The following AGMO variants were observed in gnomAD, a reference collection of about 807,000 sequenced individuals.
The protein encoded by AGMO is alkylglycerol monooxygenase, also known as glyceryl-ether monooxygenase.
A neutral mutation model predicts 60.2 loss-of-function variants in AGMO; 75 were observed. That is an observed-to-expected ratio of 1.25 (90% CI 1.03 to 1.51). The LOEUF (loss-of-function observed/expected upper bound fraction) is 1.51. AGMO is among the 40% of genes most tolerant of loss of function. The probability of loss-of-function intolerance (pLI) is 0.00; values close to 1 mark genes in which losing one functional copy is unlikely to be tolerated. For synonymous variants in AGMO, 261 were observed against 177.1 expected, an observed-to-expected ratio of 1.47 and a Z score of -3.76; for missense variants, 763 against 525.5, an observed-to-expected ratio of 1.45 and a Z score of -4.42.
At chr7:15,465,198 C>T (rs1318537840) in intron 3 of AGMO, among the ~76,000 whole-genome samples, 1 of 151,872 alleles carries the variant, frequency 6.6e-6, no homozygotes, top group Non-Finnish European at 1.5e-5. Flanking sequence ...TATTGCGAGC[C>T]GAACTCACCA....
intron 12 of AGMO, among the ~76,000 whole-genome samples, chr7:15,247,604 A>C (rs1035157216): frequency 1.3e-5 from 2 of 152,152 alleles, no homozygotes; most frequent in Non-Finnish European, 2.9e-5. Flanking sequence ...ATTCACAGTG[A>C]AACAGTTCCA....
the AGMO span, among the ~76,000 whole-genome samples, chr7:15,119,078 C>T: frequency 3.3e-5 from 5 of 151,754 alleles, no homozygotes; most frequent in Middle Eastern, 3.4e-3. Flanking sequence ...ATTCCTCCCA[C>T]CTGCTCTGAG....
the AGMO span, among the ~76,000 whole-genome samples, chr7:15,153,796 C>T: frequency 6.6e-6 from 1 of 152,038 alleles, no homozygotes; most frequent in African/African-American, 2.4e-5. Context: ...ACTCTTTTTG[C>T]TTAGTCTTGC....
the AGMO span, among the ~76,000 whole-genome samples, chr7:15,147,391 A>G: frequency 6.6e-6 from 1 of 152,184 alleles, no homozygotes; most frequent in Non-Finnish European, 1.5e-5. Context: ...GCAAAGGGAC[A>G]TCTTACATGG....
At chr7:15,207,235 G>C (rs868714741) in intron 12 of AGMO, among the ~76,000 whole-genome samples, 3 of 152,184 alleles carry the variant, frequency 2.0e-5, no homozygotes, top group Non-Finnish European at 2.9e-5. Context: ...TACTGCACAT[G>C]TAAACCCATC....
At chr7:15,408,312 G>T (rs1430398552) in intron 5 of AGMO, among the ~76,000 whole-genome samples, 1 of 151,820 alleles carries the variant, frequency 6.6e-6, no homozygotes, top group Non-Finnish European at 1.5e-5. Context: ...CTCATGTTAG[G>T]AGCACCCTAA....
At chr7:15,146,515 ATT>A in the AGMO span, among the ~76,000 whole-genome samples, 3 of 145,080 alleles carry the variant, frequency 2.1e-5, no homozygotes, top group African/African-American at 2.5e-5. Context: ...GCAATCAGCT[ATT>A]TTTTTTTTTT....
At chr7:15,441,209 T>A (rs986966457) in intron 3 of AGMO, among the ~76,000 whole-genome samples, 1 of 152,202 alleles carries the variant, frequency 6.6e-6, no homozygotes, top group Non-Finnish European at 1.5e-5. Flanking sequence ...TTCTCAAACA[T>A]AAGGAAAACC....
intron 12 of AGMO, among the ~76,000 whole-genome samples, chr7:15,210,855 C>T (rs1049524747): frequency 3.3e-5 from 5 of 151,870 alleles, no homozygotes; most frequent in African/African-American, 1.2e-4. Flanking sequence ...AAAATAAGTA[C>T]TGAATAAAAG....
intron 10 of AGMO, among the ~76,000 whole-genome samples, chr7:15,385,112 T>A (rs971173022): frequency 2.0e-5 from 3 of 152,178 alleles, no homozygotes; most frequent in African/African-American, 7.2e-5. Context: ...TGATGAAAAG[T>A]GTAATTTCCC....
At chr7:15,429,178 T>C (rs1268131538) in intron 4 of AGMO, among the ~76,000 whole-genome samples, 1 of 152,074 alleles carries the variant, frequency 6.6e-6, no homozygotes, top group Non-Finnish European at 1.5e-5. Context: ...TGCTTAGAAG[T>C]GTTTCTTCAA....
chr7:15,246,438 T>C (rs1481128047), intron 12 of AGMO, among the ~76,000 whole-genome samples: 1 of 152,166 alleles, frequency 6.6e-6, no homozygotes, highest in East Asian at 1.9e-4. Flanking sequence ...TTTTAAAAAA[T>C]TGCCATTGGA....
chr7:15,213,038 C>T (rs1198792662), intron 12 of AGMO, among the ~76,000 whole-genome samples: 3 of 151,878 alleles, frequency 2.0e-5, no homozygotes, highest in East Asian at 1.9e-4. Flanking sequence ...AATGTATCAT[C>T]GAAGTTCTTC....
intron 10 of AGMO, among the ~76,000 whole-genome samples, chr7:15,368,369 C>A (rs570451536): frequency 4.0e-4 from 60 of 151,650 alleles, no homozygotes; most frequent in African/African-American, 1.3e-3. Context: ...GCATCTCTCA[C>A]TATATTGCTT....
chr7:15,228,883 T>C (rs1782167973), intron 12 of AGMO, among the ~76,000 whole-genome samples: 1 of 152,108 alleles, frequency 6.6e-6, no homozygotes, highest in African/African-American at 2.4e-5. Context: ...CTCCAAATGA[T>C]ATTTACGCAG....
chr7:15,213,280 G>A (rs1185005025), intron 12 of AGMO, among the ~76,000 whole-genome samples: 4 of 151,790 alleles, frequency 2.6e-5, no homozygotes, highest in South Asian at 4.1e-4. Context: ...TGAGCACCAC[G>A]AAATGTGGAC....
At chr7:15,266,082 A>C (rs1018754761) in intron 12 of AGMO, among the ~76,000 whole-genome samples, 1 of 152,126 alleles carries the variant, frequency 6.6e-6, no homozygotes, top group African/African-American at 2.4e-5. Context: ...TATAGTAGTC[A>C]AAATCATTGA....
intron 12 of AGMO, among the ~76,000 whole-genome samples, chr7:15,239,670 G>A (rs745922346): frequency 4.6e-5 from 7 of 152,052 alleles, no homozygotes; most frequent in African/African-American, 1.2e-4. Flanking sequence ...ATGTTAGTAA[G>A]CCAATGAGGA....
chr7:15,370,219 G>A (rs181535240), intron 10 of AGMO, among the ~76,000 whole-genome samples: 5 of 152,270 alleles, frequency 3.3e-5, no homozygotes, highest in Admixed American at 2.6e-4. Context: ...TCACGTTGCT[G>A]CAAAGGACAT....
Sources: allele counts gnomAD v4.1 joint callset (sites outside exome capture counted in the v4.1 genomes callset), GRCh38; gene constraint gnomAD v4.1.1; transcripts MANE v1.5; gene names NCBI Gene and HGNC (gene_info 2026-07-23, HGNC 2026-07-21).